Variants in TNFRSF11B observed in about 807,000 individuals in gnomAD.
The protein encoded by TNFRSF11B is tumor necrosis factor receptor superfamily member 11B.
In TNFRSF11B, 16 loss-of-function variants were observed where a neutral mutation model predicts 43.4. The ratio of observed to expected loss-of-function variants is 0.37; its 90% confidence interval spans 0.25 to 0.56. TNFRSF11B has a LOEUF of 0.56. Ranked by LOEUF, TNFRSF11B falls within the 20% of genes least tolerant of loss-of-function variation. The probability of loss-of-function intolerance (pLI) is 0.80; values close to 1 mark genes in which losing one functional copy is unlikely to be tolerated. For synonymous variants in TNFRSF11B, 185 were observed against 181.8 expected (o/e 1.02, Z -0.14); for missense variants, 444 against 490.1 (o/e 0.91, Z 0.89).
chr8:118,934,972 G>A (rs189948089), intron 1 of TNFRSF11B, among the ~76,000 whole-genome samples: 1 of 152,278 alleles, frequency 6.6e-6, no homozygotes, highest in East Asian at 1.9e-4. Flanking sequence ...GGGCTGATTT[G>A]ACCTAATATG....
chr8:118,936,801 TCAAAACAAAAACAAAA>T (rs1419913637), intron 1 of TNFRSF11B, among the ~76,000 whole-genome samples: 3 of 152,134 alleles, frequency 2.0e-5, no homozygotes, highest in African/African-American at 7.2e-5. Context: ...AGACTCTGTC[TCAAAACAAAAACAAAA>T]CAAAACAAAA....
chr8:118,928,012 A>ATGTGTGTGTG lies in TNFRSF11B; in HGVS notation c.592+716_592+725dup, dbSNP rs58489703. Among the ~76,000 whole-genome samples the ATGTGTGTGTG allele has an allele frequency of 2.5e-4, 36 of 145,258 alleles. No individual in the cohort carries two copies. In the East Asian group the frequency reaches 3.1e-3, roughly 12 times the overall value. The stretch of plus-strand genomic sequence containing the variant: ...TAACAAAGCCAAGTACACATTTCTA[A>ATGTGTGTGTG]TGTGTGTGTGTGTGTGTGTGTGTGT... On this transcript the variant is annotated intron_variant, in intron 3 of 4. Coordinates refer to ENST00000297350, the MANE Select transcript of TNFRSF11B (RefSeq NM_002546.4).
In TNFRSF11B at chr8:118,933,088, TAGAC is replaced by T. The variant is rs770097032; in HGVS notation, c.239_242del (p.Cys80TyrfsTer35). 1 of 1,614,208 alleles carries T rather than the reference TAGAC, an allele frequency of 6.2e-7. No individual in the cohort carries two copies. ...GCTCCTTGCACACGGGGCTGCAGTA[TAGAC>T]ACTCGTCACTGGTGTGCCAGCTGTC... On this transcript the variant is annotated frameshift_variant, in exon 2 of 5. Transcript: ENST00000297350. LOFTEE classifies it high-confidence loss of function.
intron 1 of TNFRSF11B, among the ~76,000 whole-genome samples, chr8:118,948,295 C>A (rs1380236870): frequency 6.7e-6 from 1 of 149,090 alleles, no homozygotes; most frequent in Middle Eastern, 3.4e-3. Context: ...TTTTCTTTTT[C>A]TTTTTTGGCT....
chr8:118,948,920 A>C (rs886306721), intron 1 of TNFRSF11B, among the ~76,000 whole-genome samples: 1 of 152,170 alleles, frequency 6.6e-6, no homozygotes, highest in African/African-American at 2.4e-5. Context: ...GAAAAAAATA[A>C]ATCTACCCCT....
At position 118,923,957 on chromosome 8, in the gene TNFRSF11B, A is replaced by T. The variant is rs1275789574; in HGVS notation, c.*417T>A. The T allele has an allele frequency of 6.0e-6, 1 of 166,832 alleles. No homozygotes were observed. The highest frequency in any genetic ancestry group is 1.3e-5 in the Non-Finnish European group (1 of 75,470). 10.3% of individuals were successfully genotyped at this position (166,832 alleles called of 1,614,324 possible). A position where few individuals can be genotyped will look rare whatever the true frequency, so the allele number is the denominator to read the frequency against. ...GAATGAATATAAATAGCAATACTGT[A>T]ATAGTGTTACAGATATATTAGTAAC... is the stretch of plus-strand genomic sequence containing the variant. On this transcript the variant is annotated 3_prime_UTR_variant, in exon 5 of 5. Coordinates refer to ENST00000297350, the MANE Select transcript of TNFRSF11B (RefSeq NM_002546.4).
rs773779681 is a variant in TNFRSF11B at position 118,924,483 on chromosome 8, T to G, written c.1097A>C (p.Lys366Thr). ...GCTGTGAAGGAACCTGATGGTCTTC[T>G]TTAGACTCTGAGTGACAGTTTTGGG... ...HFPKTVTQSL[K>T]KTIRFLHSFT... Residue 366 changes from lysine (K) to threonine (T), a missense_variant, in exon 5 of 5, where the codon AAG (lysine) becomes ACG (threonine). Coordinates refer to ENST00000297350, the MANE Select transcript of TNFRSF11B (RefSeq NM_002546.4). 11 of 1,614,110 alleles carry G rather than the reference T, an allele frequency of 6.8e-6. No homozygotes were observed. The highest frequency in any genetic ancestry group is 7.6e-6 in the Non-Finnish European group (9 of 1,179,948).
At chr8:118,944,651 G>A in intron 1 of TNFRSF11B, among the ~76,000 whole-genome samples, 1 of 151,926 alleles carries the variant, frequency 6.6e-6, no homozygotes, top group East Asian at 1.9e-4. Context: ...TAAAAGAAGA[G>A]ACAGGAAACA....
chr8:118,937,908 C>A (rs1043262079), intron 1 of TNFRSF11B, among the ~76,000 whole-genome samples: 2 of 152,014 alleles, frequency 1.3e-5, no homozygotes, highest in African/African-American at 4.8e-5. Context: ...AGTTGTATCT[C>A]AAAATACAGA....
chr8:118,931,767 A>T (rs1812332358), intron 2 of TNFRSF11B, among the ~76,000 whole-genome samples: 1 of 152,220 alleles, frequency 6.6e-6, no homozygotes, highest in East Asian at 1.9e-4. Flanking sequence ...ATGCCTTTAA[A>T]CCTAAAGTAT....
intron 1 of TNFRSF11B, among the ~76,000 whole-genome samples, chr8:118,950,918 C>T (rs1036039859): frequency 1.3e-5 from 2 of 152,154 alleles, no homozygotes; most frequent in Non-Finnish European, 2.9e-5. Flanking sequence ...TTAAATATGG[C>T]TTTTCCTAGC....
intron 1 of TNFRSF11B, among the ~76,000 whole-genome samples, chr8:118,939,184 A>G (rs1226430845): frequency 6.6e-6 from 1 of 152,214 alleles, no homozygotes; most frequent in Non-Finnish European, 1.5e-5. Flanking sequence ...AAAGTTATCA[A>G]AAACTGTCTT....
chr8:118,931,643 T>C (rs1812330719), intron 2 of TNFRSF11B, among the ~76,000 whole-genome samples: 3 of 152,206 alleles, frequency 2.0e-5, no homozygotes, highest in Non-Finnish European at 2.9e-5. Context: ...CAAATACTCA[T>C]ACGAAGAGGA....
Position 118,924,646 on chromosome 8 carries a change from T to C in TNFRSF11B, c.934A>G (p.Ile312Val). The C allele has an allele frequency of 6.2e-7, 1 of 1,614,216 alleles. No individual in the cohort carries two copies. The change falls in exon 5 of 5, where the codon ATT becomes GTT. Residue 312 changes from isoleucine (I) to valine (V), a missense_variant. Transcript: ENST00000297350. The part of the protein sequence containing the change: ...LPGKKVGAED[I>V]EKTIKACKPS... ...TTGCATGCCTTTATTGTTTTTTCAA[T>C]GTCTTCTGCTCCCACTTTCTTTCCC...
At chr8:118,932,089 A>G (rs1181322335) in intron 2 of TNFRSF11B, among the ~76,000 whole-genome samples, 2 of 152,194 alleles carry the variant, frequency 1.3e-5, no homozygotes, top group African/African-American at 4.8e-5. Context: ...CACTGCTTCA[A>G]ACTGAGTCAT....
At chr8:118,940,433 G>C (rs144972070) in intron 1 of TNFRSF11B, among the ~76,000 whole-genome samples, 251 of 152,296 alleles carry the variant, frequency 1.6e-3, no homozygotes, top group African/African-American at 5.9e-3. Flanking sequence ...CCTGCATTTA[G>C]AATATGCATA....
intron 2 of TNFRSF11B, 34 bp from the exon 3 acceptor site, chr8:118,928,963 C>T (rs1428405517): frequency 6.2e-7 from 1 of 1,605,652 alleles, no homozygotes; most frequent in Non-Finnish European, 8.5e-7. Flanking sequence ...AGTACCTTCT[C>T]CTCAAATCGT....
At position 118,933,206 on chromosome 8, in the gene TNFRSF11B, T is replaced by C. The variant is rs1242572895; in HGVS notation, c.125A>G (p.Asp42Gly). Residue 42 changes from aspartate (D) to glycine (G), a missense_variant, in exon 2 of 5, where the codon GAC (aspartate) becomes GGC (glycine). Coordinates refer to ENST00000297350, the MANE Select transcript of TNFRSF11B (RefSeq NM_002546.4). The part of the protein sequence containing the change: ...DEETSHQLLC[D>G]KCPPGTYLKQ... The stretch of plus-strand genomic sequence containing the variant: ...TAGGTAGGTACCAGGAGGACATTTG[T>C]CACACAACAGCTGATGAGAGGTTTC... 1 of 1,614,098 alleles carries C rather than the reference T, an allele frequency of 6.2e-7. No homozygotes were observed. The highest frequency in any genetic ancestry group is 2.2e-5 in the East Asian group (1 of 44,892).
At chr8:118,933,571 C>A (rs1812357917) in intron 1 of TNFRSF11B, among the ~76,000 whole-genome samples, 1 of 152,184 alleles carries the variant, frequency 6.6e-6, no homozygotes, top group South Asian at 2.1e-4. Flanking sequence ...CACTTAGATG[C>A]ACTGCTGAAT....
Sources: allele counts gnomAD v4.1 joint callset (sites outside exome capture counted in the v4.1 genomes callset), GRCh38; gene constraint gnomAD v4.1.1; transcripts MANE v1.5; gene names NCBI Gene and HGNC (gene_info 2026-07-23, HGNC 2026-07-21).